Variants in HM13 observed in about 807,000 individuals in gnomAD.
The protein encoded by HM13 is histocompatibility minor 13, also known as signal peptide peptidase.
A neutral mutation model predicts 50.0 loss-of-function variants in HM13; 18 were observed. The observed-to-expected ratio is 0.36, with a 90% CI of 0.25 to 0.53. The LOEUF (loss-of-function observed/expected upper bound fraction) is 0.53. Among genes scored for constraint, HM13 ranks in the 20% least tolerant of loss-of-function variants. The pLI is 0.90. For missense variants in HM13, 393 were observed against 552.4 expected, an observed-to-expected ratio of 0.71 and a Z score of 2.89; for synonymous variants, 197 against 232.6, an observed-to-expected ratio of 0.85 and a Z score of 1.39.
At position 31,554,816 on chromosome 20, in the gene HM13, T is replaced by C. The variant is rs752660198; in HGVS notation, c.795T>C (p.Asp265=). 104 of 1,613,868 alleles carry C rather than the reference T, an allele frequency of 6.4e-5. No homozygotes were observed. The highest frequency in any genetic ancestry group is 8.5e-5 in the Non-Finnish European group (100 of 1,179,860). Residue 265 remains aspartate, a synonymous_variant, in exon 8 of 13, where the codon GAT becomes GAC. Transcript: ENST00000398174. The part of the protein sequence containing the change: ...ANNFAMLGLG[D]VVIPGIFIAL... The stretch of plus-strand genomic sequence containing the variant: ...ACTTTGCCATGCTGGGACTTGGAGA[T>C]GTCGTCATTCCAGGTGAGCCTGCTG...
At position 31,549,341 on chromosome 20, in the gene HM13, G is replaced by A. The variant is rs759319647; in HGVS notation, c.666+9G>A. 40 of 1,614,016 alleles carry A rather than the reference G, an allele frequency of 2.5e-5. No homozygotes were observed. Among genetic ancestry groups the A allele is most frequent in the Non-Finnish European group, 3.2e-5 (38 of 1,180,026 alleles). On this transcript the variant is annotated intron_variant, in intron 6 of 12. Transcript: ENST00000398174. ...TCTACGATGTCTTCTGGGTGAGTCA[G>A]GCAGGGATGCCAAGGATGTCTGGCT...
At chr20:31,525,832 T>C (rs1464285776) in intron 1 of HM13, among the ~76,000 whole-genome samples, 1 of 152,134 alleles carries the variant, frequency 6.6e-6, no homozygotes, top group Non-Finnish European at 1.5e-5. Flanking sequence ...TAAATTTTCA[T>C]TAGAAAGTTC....
intron 10 of HM13, chr20:31,563,038 G>A (rs564131625): frequency 6.6e-6 from 1 of 152,430 alleles, no homozygotes; most frequent in African/African-American, 2.4e-5. Flanking sequence ...TGGCTGGACT[G>A]AGAAGAGGCT....
At chr20:31,564,222 A>G (rs991825901) in intron 10 of HM13, 2 of 152,218 alleles carry the variant, frequency 1.3e-5, no homozygotes, top group Admixed American at 1.3e-4. Context: ...CACTACGGTG[A>G]GCAAGACAGC....
chr20:31,549,154 T>C lies in HM13; in HGVS notation c.540+40T>C, dbSNP rs749971579. On this transcript the variant is annotated intron_variant, in intron 5 of 12. Coordinates refer to ENST00000398174, the MANE Select transcript of HM13 (RefSeq NM_178581.3). ...CCTGGGCAGAAGGGGAGGATGGGGT[T>C]GACAGGGCAGGGTGGGTCACAGCAA... 3 of 1,613,964 alleles carry C rather than the reference T, an allele frequency of 1.9e-6. No individual in the cohort carries two copies. In the South Asian group the frequency reaches 3.3e-5, roughly 18 times the overall value.
rs973536803 is a variant in HM13 at position 31,568,067 on chromosome 20, C to T, written c.1035-11C>T. On this transcript the variant is annotated splice_polypyrimidine_tract_variant and intron_variant, in intron 11 of 12. Transcript: ENST00000398174. ...CTCTTTTTTTCTGTCTCTTCTCTCT[C>T]TCTCACACAGCTACGAGTCCTCGGC... 6.3e-7 allele frequency: 1 copy of T among 1,597,840 alleles called. No individual in the cohort carries two copies. The highest frequency in any genetic ancestry group is 8.5e-7 in the Non-Finnish European group (1 of 1,171,738).
At position 31,514,993 on chromosome 20, in the gene HM13, C is replaced by G. The variant is rs994602322; in HGVS notation, c.183+259C>G. Among the ~76,000 whole-genome samples the G allele has an allele frequency of 6.6e-6, 1 of 152,190 alleles. No homozygotes were observed. The highest frequency in any genetic ancestry group is 1.5e-5 in the Non-Finnish European group (1 of 68,036). On this transcript the variant is annotated intron_variant, in intron 1 of 12. Coordinates refer to ENST00000398174, the MANE Select transcript of HM13 (RefSeq NM_178581.3). The surrounding 1 kb of genome is among the most constrained non-coding windows in gnomAD (Gnocchi z 4.3). ...GCTCCCGACCCGGACCCTGACACTT[C>G]CCTCCCTGTGCATCATGCCGCGGCT...
Position 31,514,890 on chromosome 20 carries a change from C to A in HM13, c.183+156C>A, listed in dbSNP as rs1981677996. On this transcript the variant is annotated intron_variant, in intron 1 of 12. Transcript: ENST00000398174. This position sits in a 1 kb window ranked among gnomAD's most constrained non-coding sequence, Gnocchi z 4.3. ...TCTGTCTCGGGCCCACATTCCGGGG[C>A]TGGCATTTCCTACCCCGGGATCTGG... Among the ~76,000 whole-genome samples, 1 of 152,182 alleles carries A rather than the reference C, an allele frequency of 6.6e-6. No individual in the cohort carries two copies. The highest frequency in any genetic ancestry group is 2.4e-5 in the African/African-American group (1 of 41,444).
rs574906649 is a variant in HM13 at position 31,515,121 on chromosome 20, T to A, written c.183+387T>A. ...CCCATCATGTATACCTGATGGATAC[T>A]GGTCCTCACAACTTACTGAATGGTA... On this transcript the variant is annotated intron_variant, in intron 1 of 12. Transcript: ENST00000398174. Among the ~76,000 whole-genome samples the A allele has an allele frequency of 2.0e-5, 3 of 152,246 alleles. No individual in the cohort carries two copies. In the East Asian group the frequency reaches 5.8e-4, roughly 29 times the overall value.
chr20:31,548,617 T>C (rs1219863409), intron 4 of HM13: 1 of 250,542 alleles, frequency 4.0e-6, no homozygotes, highest in African/African-American at 2.2e-5. Context: ...TTGTAAGGAC[T>C]GTCTTACTTA....
intron 1 of HM13, among the ~76,000 whole-genome samples, chr20:31,520,093 G>A (rs1411838130): frequency 6.6e-6 from 1 of 152,162 alleles, no homozygotes; most frequent in African/African-American, 2.4e-5. Context: ...CTGACCTCAG[G>A]TGATCTGCCC....
chr20:31,515,689 G>A (rs907722495), intron 1 of HM13, among the ~76,000 whole-genome samples: 10 of 152,100 alleles, frequency 6.6e-5, no homozygotes, highest in Non-Finnish European at 1.2e-4. Context: ...TAACTAGGAG[G>A]ACTCCAGCAC....
At chr20:31,545,334 G>A (rs1423353146) in intron 4 of HM13, among the ~76,000 whole-genome samples, 1 of 151,768 alleles carries the variant, frequency 6.6e-6, no homozygotes, top group Non-Finnish European at 1.5e-5. Context: ...TCAATAAGTG[G>A]AAAGCATTCA....
intron 4 of HM13, among the ~76,000 whole-genome samples, chr20:31,546,941 A>G (rs1983757419): frequency 6.6e-6 from 1 of 152,002 alleles, no homozygotes; most frequent in African/African-American, 2.4e-5. Flanking sequence ...AATAAATAAA[A>G]CAGTAAAAAG....
intron 8 of HM13, among the ~76,000 whole-genome samples, chr20:31,557,676 T>C (rs1984388349): frequency 6.6e-6 from 1 of 151,532 alleles, no homozygotes; most frequent in Admixed American, 6.6e-5. Context: ...AAATTAATCA[T>C]ATGTTGACAG....
At chr20:31,566,153 C>T (rs1019269102) in intron 10 of HM13, 57 bp from the exon 11 acceptor site, 108 of 1,350,476 alleles carry the variant, frequency 8.0e-5, no homozygotes, top group Non-Finnish European at 1.0e-4. Context: ...GTGCTGGGCA[C>T]GGCCCTGAGG....
rs780031504 is a variant in HM13 at position 31,544,941 on chromosome 20, T to C, written c.366-6T>C. 1 of 1,613,742 alleles carries C rather than the reference T, an allele frequency of 6.2e-7. No individual in the cohort carries two copies. The highest frequency in any genetic ancestry group is 1.7e-5 in the Admixed American group (1 of 60,016). On this transcript the variant is annotated splice_region_variant and splice_polypyrimidine_tract_variant and intron_variant, in intron 3 of 12. Coordinates refer to ENST00000398174, the MANE Select transcript of HM13 (RefSeq NM_178581.3). ...GTTTGCCGACTTGCTTTGTCTTTCC[T>C]TCCAGCCCCTTCATGAATAAGTTTT...
chr20:31,546,108 G>A (rs1012177708), intron 4 of HM13, among the ~76,000 whole-genome samples: 14 of 147,654 alleles, frequency 9.5e-5, no homozygotes, highest in East Asian at 5.9e-4. Flanking sequence ...GGAGTGCAGC[G>A]GCACAATCTT....
chr20:31,515,294 C>G (rs541727747), intron 1 of HM13, among the ~76,000 whole-genome samples: 14 of 152,334 alleles, frequency 9.2e-5, no homozygotes, highest in Non-Finnish European at 1.8e-4. Context: ...ACACCTGGCC[C>G]TTGCCCCTGC....
Sources: allele counts gnomAD v4.1 joint callset (sites outside exome capture counted in the v4.1 genomes callset), GRCh38; gene constraint gnomAD v4.1.1; non-coding constraint Gnocchi (gnomAD v3.1); transcripts MANE v1.5; gene names NCBI Gene and HGNC (gene_info 2026-07-23, HGNC 2026-07-21).